Variants in HCLS1 observed in about 807,000 individuals in gnomAD.
HCLS1 encodes the protein hematopoietic lineage cell-specific protein.
Under a neutral mutation model 68.6 loss-of-function variants are expected in HCLS1, and 44 were observed. The ratio of observed to expected loss-of-function variants is 0.64; its 90% CI spans 0.50 to 0.82. The LOEUF (loss-of-function observed/expected upper bound fraction) is 0.82. Among genes scored for constraint, HCLS1 ranks in the 40% least tolerant of loss-of-function variants. The pLI is 0.00. For synonymous variants in HCLS1, 217 were observed against 225.8 expected, an observed-to-expected ratio of 0.96 and a Z score of 0.35; for missense variants, 602 against 612.1, an observed-to-expected ratio of 0.98 and a Z score of 0.17.
At chr3:121,636,179 T>C (rs2049149884) in intron 8 of HCLS1, among the ~76,000 whole-genome samples, 1 of 152,126 alleles carries the variant, frequency 6.6e-6, no homozygotes, top group African/African-American at 2.4e-5. Context: ...CAATTTCCAG[T>C]CCAATACGAC....
chr3:121,638,379 A>T (rs2049168759), intron 6 of HCLS1, among the ~76,000 whole-genome samples: 1 of 152,198 alleles, frequency 6.6e-6, no homozygotes, highest in African/African-American at 2.4e-5. Flanking sequence ...TAAATTCCAA[A>T]TGTAATGAAT....
intron 5 of HCLS1, chr3:121,643,697 T>C (rs1051940269): frequency 2.0e-5 from 3 of 152,254 alleles, no homozygotes; most frequent in Non-Finnish European, 4.4e-5. Context: ...TCAGGAACTA[T>C]GGGTATCTAA....
intron 1 of HCLS1, among the ~76,000 whole-genome samples, chr3:121,658,590 G>A (rs1334530838): frequency 6.6e-6 from 1 of 152,212 alleles, no homozygotes; most frequent in East Asian, 1.9e-4. Flanking sequence ...CCTGGGGCTA[G>A]AGAGAAGTCA....
chr3:121,637,352 G>GT, intron 6 of HCLS1, 96 bp from the exon 7 acceptor site: 1 of 781,376 alleles, frequency 1.3e-6, no homozygotes, highest in Non-Finnish European at 2.3e-6. Context: ...GGTACAGAGT[G>GT]TTAGGGGCCT....
At chr3:121,651,647 T>C (rs1332549097) in intron 3 of HCLS1, among the ~76,000 whole-genome samples, 1 of 152,198 alleles carries the variant, frequency 6.6e-6, no homozygotes, top group Admixed American at 6.5e-5. Context: ...CTTGAACTCC[T>C]GGGCTCAAGT....
intron 1 of HCLS1, among the ~76,000 whole-genome samples, chr3:121,659,424 TC>T (rs1370830477): frequency 6.6e-6 from 1 of 152,124 alleles, no homozygotes; most frequent in Non-Finnish European, 1.5e-5. Flanking sequence ...TTGGAGACCT[TC>T]CCCATGCTCT....
At chr3:121,652,035 T>A (rs1937762273) in intron 3 of HCLS1, among the ~76,000 whole-genome samples, 1 of 152,212 alleles carries the variant, frequency 6.6e-6, no homozygotes, top group Admixed American at 6.5e-5. Context: ...GACATATCCA[T>A]ACAATGGGAC....
chr3:121,659,910 A>AT (rs1937954395), intron 1 of HCLS1, among the ~76,000 whole-genome samples: 1 of 152,192 alleles, frequency 6.6e-6, no homozygotes. Context: ...CCATTCACCC[A>AT]TTTTTGAAAT....
At position 121,635,736 on chromosome 3, in the gene HCLS1, G is replaced by A. The variant is rs3772126; in HGVS notation, c.690C>T (p.Ala230=). The A allele has an allele frequency of 0.23, 365,864 of 1,611,064 alleles. 44,496 individuals are homozygous for A. Among genetic ancestry groups the A allele is most frequent in the East Asian group, 0.41 (18,490 of 44,834 alleles). Residue 230 remains alanine (A), a splice_region_variant and synonymous_variant, in exon 9 of 14, where the codon GCC becomes GCT. Coordinates refer to ENST00000314583, the MANE Select transcript of HCLS1 (RefSeq NM_005335.6). ...TAYKKTTPIE[A]ASSGTRGLKA... ...GGAGAGTGAATCACTAAGCCTCACC[G>A]GCTTCTATGGGCGTCGTCTTCTTAT...
intron 10 of HCLS1, among the ~76,000 whole-genome samples, chr3:121,633,710 T>A (rs1248948181): frequency 6.6e-6 from 1 of 152,082 alleles, no homozygotes; most frequent in African/African-American, 2.4e-5. Flanking sequence ...GCTAATTTTT[T>A]AATTGTTTTT....
intron 4 of HCLS1, among the ~76,000 whole-genome samples, chr3:121,646,767 T>C (rs1470926521): frequency 7.4e-6 from 1 of 135,310 alleles, no homozygotes; most frequent in African/African-American, 2.7e-5. Flanking sequence ...CTTATATAAT[T>C]ATATACTTAC....
chr3:121,636,199 C>A (rs148896911), intron 8 of HCLS1, among the ~76,000 whole-genome samples: 2 of 152,188 alleles, frequency 1.3e-5, no homozygotes, highest in Admixed American at 6.5e-5. Flanking sequence ...CCTTTCCCGG[C>A]GGTTTACCTG....
intron 4 of HCLS1, among the ~76,000 whole-genome samples, chr3:121,646,587 ATAATATATAT>A (rs1937610315): frequency 9.0e-6 from 1 of 110,656 alleles, no homozygotes; most frequent in African/African-American, 3.7e-5. Flanking sequence ...ATTAATATAT[ATAATATATAT>A]TAATATATAT....
At chr3:121,646,604 A>G (rs1296612624) in intron 4 of HCLS1, among the ~76,000 whole-genome samples, 2 of 112,614 alleles carry the variant, frequency 1.8e-5, no homozygotes, top group African/African-American at 7.1e-5. Context: ...ATATTAATAT[A>G]TATACTTATT....
chr3:121,658,395 G>A (rs1937919920), intron 1 of HCLS1, 48 bp from the exon 2 acceptor site: 1 of 1,419,048 alleles, frequency 7.0e-7, no homozygotes, highest in South Asian at 1.2e-5. Flanking sequence ...AAAGGATCAA[G>A]AGGAGGGAAA....
In HCLS1 at chr3:121,637,209, A is replaced by G; in HGVS notation, c.502T>C (p.Trp168Arg). 3.1e-6 allele frequency: 5 copies of G among 1,613,518 alleles called. No individual in the cohort carries two copies. The highest frequency in any genetic ancestry group is 4.2e-6 in the Non-Finnish European group (5 of 1,179,794). The change falls in exon 7 of 14, where the codon TGG becomes CGG. Residue 168 changes from tryptophan to arginine, a missense_variant. Coordinates refer to ENST00000314583, the MANE Select transcript of HCLS1 (RefSeq NM_005335.6). Reference protein sequence around the residue: ...GGRYGVEKDKWDKAALGYDYK... With the variant: ...GGRYGVEKDKRDKAALGYDYK... ...TCATATCCCAGAGCTGCTTTGTCCC[A>G]TTTATCCTTCTCCACCCCGTACCGG...
intron 9 of HCLS1, 100 bp from the exon 10 acceptor site, chr3:121,634,518 A>T: frequency 8.9e-7 from 1 of 1,124,310 alleles, no homozygotes; most frequent in Non-Finnish European, 1.3e-6. Flanking sequence ...AATATCCGGG[A>T]GGAGGGATTT....
At chr3:121,644,461 G>T in intron 5 of HCLS1, 1 of 350,754 alleles carries the variant, frequency 2.9e-6, no homozygotes, top group Non-Finnish European at 5.6e-6. Flanking sequence ...TTTCCTAAAC[G>T]GCATGAGTAT....
intron 2 of HCLS1, 143 bp downstream of exon 2, chr3:121,658,118 ATTG>A: frequency 1.5e-6 from 1 of 666,734 alleles, no homozygotes; most frequent in Non-Finnish European, 2.7e-6. Flanking sequence ...GTGACAGCCA[ATTG>A]TCCTACCAAT....
Sources: allele counts gnomAD v4.1 joint callset (sites outside exome capture counted in the v4.1 genomes callset), GRCh38; gene constraint gnomAD v4.1.1; transcripts MANE v1.5; gene names NCBI Gene and HGNC (gene_info 2026-07-23, HGNC 2026-07-21).